The following PAK2 variants were observed in gnomAD, a reference collection of about 807,000 sequenced individuals.
PAK2 encodes serine/threonine-protein kinase PAK 2.
A neutral mutation model predicts 65.9 loss-of-function variants in PAK2; 21 were observed. The ratio of observed to expected loss-of-function variants is 0.32; its 90% confidence interval spans 0.23 to 0.46. The LOEUF is 0.46. Ranked by LOEUF, PAK2 falls within the 20% of genes least tolerant of loss-of-function variation. The pLI is 1.00. For missense variants in PAK2, 324 were observed against 642.6 expected, an observed-to-expected ratio of 0.50 and a Z score of 5.36; for synonymous variants, 204 against 219.7, an observed-to-expected ratio of 0.93 and a Z score of 0.63.
chr3:196,798,373 T>G (rs914253871), intron 2 of PAK2, among the ~76,000 whole-genome samples: 3 of 151,260 alleles, frequency 2.0e-5, no homozygotes, highest in African/African-American at 7.3e-5. Flanking sequence ...AGAAGGAGTC[T>G]TGCTTTGTTG....
At chr3:196,811,277 CCCTTCCCTCCCTT>C (rs1715798340) in intron 8 of PAK2, among the ~76,000 whole-genome samples, 1 of 11,186 alleles carries the variant, frequency 8.9e-5, no homozygotes, top group Non-Finnish European at 1.7e-4. Flanking sequence ...TCCCTTCCCT[CCCTTCCCTCCCTT>C]CCCTCCCTCC....
chr3:196,806,529 A>G (rs754899678), intron 5 of PAK2, 50 bp from the exon 6 acceptor site: 2 of 1,132,554 alleles, frequency 1.8e-6, no homozygotes, highest in African/African-American at 1.5e-5. Flanking sequence ...CGATAGTCGC[A>G]TTTAAGCCTA....
chr3:196,750,140 C>T (rs897976359), intron 1 of PAK2, among the ~76,000 whole-genome samples: 6 of 152,054 alleles, frequency 3.9e-5, no homozygotes, highest in Admixed American at 1.3e-4. Context: ...GCGCCTGCCA[C>T]CACGCCTGGC....
chr3:196,776,455 G>A (rs117636519), intron 1 of PAK2, among the ~76,000 whole-genome samples: 1 of 152,172 alleles, frequency 6.6e-6, no homozygotes, highest in East Asian at 1.9e-4. Flanking sequence ...CACAAATTCC[G>A]GTTGTTCAGA....
chr3:196,826,022 T>C (rs1428657033), intron 13 of PAK2, among the ~76,000 whole-genome samples: 1 of 151,436 alleles, frequency 6.6e-6, no homozygotes. Context: ...TGTTTTTTTT[T>C]TGTATTTTTA....
chr3:196,812,758 A>G lies in PAK2; in HGVS notation c.842A>G (p.Asn281Ser), dbSNP rs751966128. 5.3e-6 allele frequency: 8 copies of G among 1,510,024 alleles called. 1 individual carries two copies. The South Asian group carries it at 7.9e-5, about 15-fold the overall frequency. The allele number at this position is 1,510,024 out of a possible 1,614,324, so 93.5% of individuals were successfully genotyped here. ...TTATAGGTTGCTATCAAACAAATTA[A>G]TTTACAGAAACAGCCAAAGAAGGAA... ...LGQEVAIKQI[N>S]LQKQPKKELI... The change falls in exon 10 of 15, where the codon AAT becomes AGT. Residue 281 changes from asparagine (N) to serine (S), a missense_variant. Asn to Ser is a conservative substitution (Grantham distance 46). Coordinates refer to ENST00000327134, the MANE Select transcript of PAK2 (RefSeq NM_002577.4).
intron 1 of PAK2, among the ~76,000 whole-genome samples, chr3:196,778,071 C>G (rs938663644): frequency 1.2e-4 from 19 of 152,144 alleles, no homozygotes; most frequent in African/African-American, 4.3e-4. Flanking sequence ...CAACCACTCA[C>G]TAATCAGCCG....
chr3:196,747,912 C>T (rs1305341055), intron 1 of PAK2, among the ~76,000 whole-genome samples: 1 of 152,166 alleles, frequency 6.6e-6, no homozygotes, highest in Non-Finnish European at 1.5e-5. Context: ...CTGAATGTCA[C>T]TGAGGCCATA....
rs951393833 is a variant in PAK2, at chr3:196,791,574, T to C, written c.187+8741T>C. Among the ~76,000 whole-genome samples the C allele has an allele frequency of 2.6e-5, 4 of 152,184 alleles. No individual in the cohort carries two copies. Among genetic ancestry groups the C allele is most frequent in the African/African-American group, 9.6e-5 (4 of 41,454 alleles). On this transcript the variant is annotated intron_variant, in intron 2 of 14. Coordinates refer to ENST00000327134, the MANE Select transcript of PAK2 (RefSeq NM_002577.4). This position sits in a 1 kb window ranked among gnomAD's most constrained non-coding sequence, Gnocchi z 4.0. ...GTTATCTCTCACCCTTCTTTTTATA[T>C]TTTTTTCTTATTTTATATTTCTTAT...
intron 9 of PAK2, 110 bp downstream of exon 9, chr3:196,812,377 T>C (rs1466685183): frequency 4.0e-6 from 3 of 749,862 alleles, no homozygotes; most frequent in Non-Finnish European, 7.3e-6. Flanking sequence ...GAGCCCGTTG[T>C]AAGAATCGCT....
At position 196,828,411 on chromosome 3, in the gene PAK2, C is replaced by G. The variant is rs779045904; in HGVS notation, c.*6C>G. ...CAATGAAGAGTAACCGTTAACATCA[C>G]TGCTGTGGCCTCATACTCTTTTTTC... On this transcript the variant is annotated 3_prime_UTR_variant, in exon 15 of 15. Coordinates refer to ENST00000327134, the MANE Select transcript of PAK2 (RefSeq NM_002577.4). 1.7e-5 allele frequency: 26 copies of G among 1,486,926 alleles called. No homozygotes were observed. The highest frequency in any genetic ancestry group is 2.3e-5 in the Non-Finnish European group (25 of 1,068,680). 92.1% of individuals were successfully genotyped at this position (1,486,926 alleles called of 1,614,324 possible). A position where few individuals can be genotyped will look rare whatever the true frequency, so the allele number is the denominator to read the frequency against.
rs1467475253 is a variant in PAK2, at chr3:196,812,275, CT to C, written c.822+11del. 3 of 1,538,860 alleles carry C rather than the reference CT, an allele frequency of 1.9e-6. No individual in the cohort carries two copies. Among genetic ancestry groups the C allele is most frequent in the Non-Finnish European group, 2.7e-6 (3 of 1,111,748 alleles). ...GTTGCACTGGGACAGGAGGTAGTTACTTTGTTGTAATCCTGGGTGTTACCAT... is the reference window on the plus strand; with the variant it reads ...GTTGCACTGGGACAGGAGGTAGTTACTTGTTGTAATCCTGGGTGTTACCAT... On this transcript the variant is annotated intron_variant, in intron 9 of 14. Transcript: ENST00000327134.
chr3:196,742,346 C>T (rs1403614126), intron 1 of PAK2, among the ~76,000 whole-genome samples: 4 of 152,072 alleles, frequency 2.6e-5, no homozygotes, highest in African/African-American at 7.2e-5. Flanking sequence ...CCTCAGCCTC[C>T]CAAAATGCTG....
rs536907573 is a variant in PAK2, at chr3:196,830,558, G to A, written c.*2153G>A. On this transcript the variant is annotated 3_prime_UTR_variant, in exon 15 of 15. Transcript: ENST00000327134. ...CTCACTGACTATGTGCCAACGCCTC[G>A]TTTCAGGCTTGTGACTCAACAAAGG... is the stretch of plus-strand genomic sequence containing the variant. 67 of 152,306 alleles carry A rather than the reference G, an allele frequency of 4.4e-4. 2 individuals carry two copies. Among genetic ancestry groups the A allele is most frequent in the Admixed American group, 3.9e-3 (60 of 15,292 alleles). The allele number at this position is 152,306 out of a possible 1,614,324, so 9.4% of individuals were successfully genotyped here.
chr3:196,794,776 C>T (rs1214029431), intron 2 of PAK2, among the ~76,000 whole-genome samples: 4 of 152,122 alleles, frequency 2.6e-5, no homozygotes, highest in Admixed American at 1.3e-4. Flanking sequence ...CCACAGGACC[C>T]TTGGCAGGAA....
In PAK2 at chr3:196,828,927, C is replaced by CT. The variant is rs1440868271; in HGVS notation, c.*523dup. The stretch of plus-strand genomic sequence containing the variant: ...AGCTCCTTATGTTGGCAAAGGAGCT[C>CT]TATATAGTTTCACTTTGTATAAAAG... On this transcript the variant is annotated 3_prime_UTR_variant, in exon 15 of 15. Coordinates refer to ENST00000327134, the MANE Select transcript of PAK2 (RefSeq NM_002577.4). 6.5e-6 allele frequency: 1 copy of CT among 153,302 alleles called. No homozygotes were observed. Among genetic ancestry groups the CT allele is most frequent in the Non-Finnish European group, 1.5e-5 (1 of 68,634 alleles). 9.5% of individuals were successfully genotyped at this position (153,302 alleles called of 1,614,324 possible).
At chr3:196,814,870 GTA>G (rs1171272112) in intron 11 of PAK2, among the ~76,000 whole-genome samples, 1 of 152,224 alleles carries the variant, frequency 6.6e-6, no homozygotes, top group East Asian at 1.9e-4. Context: ...GAGTAAAAGG[GTA>G]TATATCATTA....
intron 1 of PAK2, among the ~76,000 whole-genome samples, chr3:196,740,477 C>T (rs1472985771): frequency 6.6e-6 from 1 of 152,224 alleles, no homozygotes. Flanking sequence ...CTTCCCTCCC[C>T]TCGCGTTTCA....
chr3:196,777,485 C>T (rs1437293440), intron 1 of PAK2, among the ~76,000 whole-genome samples: 3 of 152,202 alleles, frequency 2.0e-5, no homozygotes, highest in East Asian at 1.9e-4. Context: ...ATTACAGGCG[C>T]GAGCCAACAT....
Sources: gnomAD v4.1 joint callset for allele counts (sites outside exome capture counted in the v4.1 genomes callset) on GRCh38, gnomAD v4.1.1 for gene constraint, Gnocchi (gnomAD v3.1) non-coding constraint, MANE v1.5 for transcripts, NCBI Gene and HGNC (gene_info 2026-07-23, HGNC 2026-07-21) for gene names.